Variants in NR2F1-AS1 observed in about 807,000 individuals in gnomAD.
The protein encoded by NR2F1-AS1 is NR2F1 regulatory antisense RNA 1, also known as NR2F1 antisense RNA 1.
At chr5:93,525,600 T>C (rs1406486072) in intron 4 of NR2F1-AS1, among the ~76,000 whole-genome samples, 3 of 152,158 alleles carry the variant, frequency 2.0e-5, no homozygotes, top group Non-Finnish European at 4.4e-5. Flanking sequence ...ATTGACCACA[T>C]AATTAGAACA....
chr5:93,536,919 G>A (rs970244639), intron 4 of NR2F1-AS1, among the ~76,000 whole-genome samples: 1 of 152,114 alleles, frequency 6.6e-6, no homozygotes, highest in Non-Finnish European at 1.5e-5. Context: ...GGTCTCATGA[G>A]ATCTGATGGT....
intron 4 of NR2F1-AS1, among the ~76,000 whole-genome samples, chr5:93,476,074 A>G (rs1460088914): frequency 6.6e-6 from 1 of 152,206 alleles, no homozygotes; most frequent in African/African-American, 2.4e-5. Context: ...TTTAAGGGAA[A>G]AATGTTGCTG....
chr5:93,419,892 G>C (rs1749051859), intron 4 of NR2F1-AS1, among the ~76,000 whole-genome samples: 4 of 152,126 alleles, frequency 2.6e-5, no homozygotes, highest in Admixed American at 2.6e-4. Context: ...ACATGGCTAA[G>C]CTATAGAATT....
intron 4 of NR2F1-AS1, among the ~76,000 whole-genome samples, chr5:93,500,793 C>G (rs1369331503): frequency 6.6e-6 from 1 of 152,122 alleles, no homozygotes; most frequent in Non-Finnish European, 1.5e-5. Context: ...GTGTGTGCCA[C>G]CATGCCCAGC....
At chr5:93,556,607 G>T (rs909819267) in intron 2 of NR2F1-AS1, among the ~76,000 whole-genome samples, 18 of 152,052 alleles carry the variant, frequency 1.2e-4, no homozygotes, top group African/African-American at 4.1e-4. Flanking sequence ...CAATGTGACT[G>T]GTATCCTTAC....
intron 1 of NR2F1-AS1, among the ~76,000 whole-genome samples, chr5:93,572,825 C>G (rs181242628): frequency 1.1e-3 from 173 of 152,362 alleles, no homozygotes; most frequent in East Asian, 9.4e-3. Context: ...CTATTAAGAG[C>G]TCAAATGAGC....
At chr5:93,572,895 C>G (rs1354996207) in intron 1 of NR2F1-AS1, among the ~76,000 whole-genome samples, 4 of 152,242 alleles carry the variant, frequency 2.6e-5, no homozygotes, top group Admixed American at 6.5e-5. Context: ...GAGGCGCGGC[C>G]GGCGGGGCCG....
chr5:93,427,532 C>A (rs1344500597), intron 4 of NR2F1-AS1, among the ~76,000 whole-genome samples: 1 of 152,210 alleles, frequency 6.6e-6, no homozygotes, highest in East Asian at 1.9e-4. Flanking sequence ...ACATTGTAAA[C>A]TTCCTGTTAC....
intron 4 of NR2F1-AS1, among the ~76,000 whole-genome samples, chr5:93,482,550 CAG>C (rs1750622741): frequency 6.6e-6 from 1 of 152,092 alleles, no homozygotes; most frequent in Non-Finnish European, 1.5e-5. Context: ...GAGCTAACTA[CAG>C]GAGTTTTTTT....
At chr5:93,570,076 A>T (rs1196509878) in intron 1 of NR2F1-AS1, 2 of 152,202 alleles carry the variant, frequency 1.3e-5, no homozygotes, top group African/African-American at 4.8e-5. Context: ...ATTACAAAAC[A>T]ATCTCTAGAA....
chr5:93,424,909 T>C (rs1051749339), intron 4 of NR2F1-AS1, among the ~76,000 whole-genome samples: 3 of 152,334 alleles, frequency 2.0e-5, no homozygotes, highest in Middle Eastern at 6.8e-3. Context: ...TCAATGATGT[T>C]GGGAAGCTTG....
intron 4 of NR2F1-AS1, among the ~76,000 whole-genome samples, chr5:93,466,910 G>A (rs1276370120): frequency 7.4e-6 from 1 of 135,810 alleles, no homozygotes; most frequent in Non-Finnish European, 1.6e-5. Context: ...TTTTTGGGGG[G>A]GGGGGGGGTG....
At chr5:93,417,718 C>T (rs1315962858) in intron 4 of NR2F1-AS1, among the ~76,000 whole-genome samples, 5 of 152,162 alleles carry the variant, frequency 3.3e-5, no homozygotes, top group African/African-American at 7.2e-5. Flanking sequence ...TGTTCATCTT[C>T]GCTACTCATG....
At chr5:93,504,811 A>C (rs1751153146) in intron 4 of NR2F1-AS1, among the ~76,000 whole-genome samples, 1 of 152,056 alleles carries the variant, frequency 6.6e-6, no homozygotes. Flanking sequence ...AATACATGGG[A>C]ATTCTGGGAG....
chr5:93,580,024 G>A (rs1376220428), intron 1 of NR2F1-AS1, among the ~76,000 whole-genome samples: 1 of 152,234 alleles, frequency 6.6e-6, no homozygotes, highest in Non-Finnish European at 1.5e-5. Context: ...CAGGCAAGGC[G>A]CGGGCACAAG....
chr5:93,544,243 A>G (rs1225269209), intron 4 of NR2F1-AS1, among the ~76,000 whole-genome samples: 1 of 152,214 alleles, frequency 6.6e-6, no homozygotes, highest in African/African-American at 2.4e-5. Flanking sequence ...ATAAAAGTGA[A>G]AACTAATTTT....
intron 4 of NR2F1-AS1, among the ~76,000 whole-genome samples, chr5:93,464,422 T>A (rs1194621634): frequency 6.6e-6 from 1 of 152,180 alleles, no homozygotes; most frequent in Admixed American, 6.5e-5. Flanking sequence ...ACTAGAAAAT[T>A]AGAAAATGTG....
At chr5:93,433,937 C>G (rs1004682370) in intron 4 of NR2F1-AS1, among the ~76,000 whole-genome samples, 1 of 152,142 alleles carries the variant, frequency 6.6e-6, no homozygotes, top group Non-Finnish European at 1.5e-5. Flanking sequence ...ATGACCTACA[C>G]GCAGCCTCCC....
At chr5:93,561,599 C>T (rs1327302083) in intron 2 of NR2F1-AS1, among the ~76,000 whole-genome samples, 2 of 151,770 alleles carry the variant, frequency 1.3e-5, no homozygotes, top group Non-Finnish European at 2.9e-5. Context: ...AAAGTGAGAC[C>T]CCGTCTCTAC....
Sources: allele counts gnomAD v4.1 joint callset (sites outside exome capture counted in the v4.1 genomes callset), GRCh38; gene constraint gnomAD v4.1.1; transcripts MANE v1.5; gene names NCBI Gene and HGNC (gene_info 2026-07-23, HGNC 2026-07-21).